The following PTPRB variants were observed in gnomAD, a reference collection of about 807,000 sequenced individuals.
PTPRB encodes the protein receptor-type tyrosine-protein phosphatase beta.
PTPRB carries 97 observed loss-of-function variants against 238.1 expected under a neutral mutation model. The observed-to-expected ratio is 0.41, with a 90% confidence interval of 0.35 to 0.48. The LOEUF is 0.48. PTPRB is among the 20% of genes least tolerant of loss of function. The pLI, the probability that PTPRB is intolerant of heterozygous loss-of-function variation, is 0.30. For missense variants in PTPRB, 2,292 were observed against 2,681.9 expected, an observed-to-expected ratio of 0.85 and a Z score of 3.21; for synonymous variants, 970 against 995.4, an observed-to-expected ratio of 0.97 and a Z score of 0.48.
At chr12:70,619,570 G>A (rs1342452151) in intron 3 of PTPRB, among the ~76,000 whole-genome samples, 1 of 152,086 alleles carries the variant, frequency 6.6e-6, no homozygotes, top group Admixed American at 6.5e-5. Flanking sequence ...TTTGACTTCT[G>A]GTGAGGCTGC....
chr12:70,538,991 G>T lies in PTPRB; in HGVS notation c.5802C>A (p.Asn1934Lys), dbSNP rs758656184. ...GCAAGAGTGCAATGTCACATGACTG[G>T]TTTCGGCCCACGTCTTTTAACTCCT... ...EYEELKDVGR[N>K]QSCDIALLPE... Residue 1934 changes from asparagine to lysine, a missense_variant, in exon 27 of 34, where the codon AAC becomes AAA. By Grantham distance (94) the Asn-to-Lys change is moderately conservative. Coordinates refer to ENST00000334414, the MANE Select transcript of PTPRB (RefSeq NM_001109754.4). The T allele has an allele frequency of 1.2e-6, 2 of 1,613,758 alleles. No homozygotes were observed. Among genetic ancestry groups the T allele is most frequent in the Non-Finnish European group, 1.7e-6 (2 of 1,179,790 alleles).
intron 21 of PTPRB, 79 bp from the exon 22 acceptor site, chr12:70,544,742 G>C (rs778799652): frequency 1.0e-6 from 1 of 969,846 alleles, no homozygotes; most frequent in Non-Finnish European, 1.5e-6. Context: ...AGGAGAAATA[G>C]GGCGGGTTCC....
intron 28 of PTPRB, 55 bp from the exon 29 acceptor site, chr12:70,536,214 T>C (rs1874101389): frequency 3.8e-6 from 6 of 1,561,228 alleles, no homozygotes; most frequent in South Asian, 2.3e-5. Context: ...TTCAGAACTA[T>C]AAACAAAGAG....
rs376107760 is a variant in PTPRB, at chr12:70,587,047, A to G, written c.2271T>C (p.Ser757=). Residue 757 remains serine (S), a synonymous_variant, in exon 9 of 34, where the codon AGT becomes AGC. Coordinates refer to ENST00000334414, the MANE Select transcript of PTPRB (RefSeq NM_001109754.4). ...CTGAAGAGGAATTTTTTAAGTCTCC[A>G]CTAATACTGGTGACTGTAGCCATGT... is the stretch of plus-strand genomic sequence containing the variant. ...RKYMATVTSI[S]GDLKNSSSVK... is the part of the protein sequence containing the mutation. 38 of 1,613,844 alleles carry G rather than the reference A, an allele frequency of 2.4e-5. 1 individual carries two copies. The highest frequency in any genetic ancestry group is 1.1e-4 in the East Asian group (5 of 44,878).
intron 33 of PTPRB, among the ~76,000 whole-genome samples, chr12:70,521,874 C>T (rs1034819590): frequency 5.9e-5 from 9 of 152,142 alleles, no homozygotes; most frequent in African/African-American, 1.9e-4. Context: ...TAGTTAGCTT[C>T]TTTCAGGAGT....
At chr12:70,547,785 G>A (rs1431833658) in intron 21 of PTPRB, among the ~76,000 whole-genome samples, 1 of 152,064 alleles carries the variant, frequency 6.6e-6, no homozygotes, top group Non-Finnish European at 1.5e-5. Flanking sequence ...CGGATTACAA[G>A]TGTGAGCCAT....
At position 70,553,047 on chromosome 12, in the gene PTPRB, A is replaced by T. The variant is rs777658092; in HGVS notation, c.5144-27T>A. The T allele has an allele frequency of 3.1e-6, 5 of 1,600,340 alleles. No individual in the cohort carries two copies. In the African/African-American group the frequency reaches 6.7e-5, roughly 22 times the overall value. ...TGGAGGAGAAAACCCACAGTTAAGG[A>T]CTGCCTTTCTTGTGACTTAGGTGAT... On this transcript the variant is annotated intron_variant, in intron 20 of 33. Coordinates refer to ENST00000334414, the MANE Select transcript of PTPRB (RefSeq NM_001109754.4).
intron 7 of PTPRB, 81 bp from the exon 8 acceptor site, chr12:70,590,314 A>G: frequency 7.3e-7 from 1 of 1,378,238 alleles, no homozygotes; most frequent in African/African-American, 1.5e-5. Context: ...GGGCAGCAGT[A>G]GATAGGAGAC....
At chr12:70,607,609 C>T (rs1884063240) in intron 4 of PTPRB, among the ~76,000 whole-genome samples, 1 of 149,228 alleles carries the variant, frequency 6.7e-6, no homozygotes, top group Non-Finnish European at 1.5e-5. Flanking sequence ...TGCAGTGGCA[C>T]AATCTGGCTT....
At chr12:70,550,196 G>A (rs1368046398) in intron 21 of PTPRB, among the ~76,000 whole-genome samples, 34 of 152,208 alleles carry the variant, frequency 2.2e-4, no homozygotes, top group Non-Finnish European at 2.9e-5. Context: ...GGTGGTTGAG[G>A]GTTGAGCTGG....
Position 70,622,493 on chromosome 12 carries a change from T to C in PTPRB, c.605A>G (p.Gln202Arg), listed in dbSNP as rs751694309. 2.5e-6 allele frequency: 4 copies of C among 1,613,466 alleles called. No individual in the cohort carries two copies. In the African/African-American group the frequency reaches 4.0e-5, roughly 16 times the overall value. ...GGGATGCTGCCTCTCGCTGCTGTTT[T>C]GGCTGTAGTTTTCTGCAGCATTTCT... ...FIRNAAENYS[Q>R]NSSERQHPNL... Residue 202 changes from glutamine (Q) to arginine (R), a missense_variant, in exon 3 of 34, where the codon CAA becomes CGA. Physicochemically the swap from Gln to Arg is conservative, Grantham distance 43 (BLOSUM62 1). Transcript: ENST00000334414.
Position 70,571,797 on chromosome 12 carries a change from G to C in PTPRB, c.3106+27C>G, listed in dbSNP as rs767643528. 16 of 1,595,364 alleles carry C rather than the reference G, an allele frequency of 1.0e-5. No homozygotes were observed. In the African/African-American group the frequency reaches 1.9e-4, roughly 19 times the overall value. On this transcript the variant is annotated intron_variant, in intron 12 of 33. Transcript: ENST00000334414. ...TAGAGACTTTCAAGTCCAACCAACT[G>C]TCAGATTTTGCAATCGTTCCACTTA...
intron 4 of PTPRB, among the ~76,000 whole-genome samples, chr12:70,601,298 G>T (rs188447268): frequency 6.6e-6 from 1 of 151,822 alleles, no homozygotes; most frequent in African/African-American, 2.4e-5. Context: ...ACCACGCCCC[G>T]CCTCTTCCTT....
intron 22 of PTPRB, 39 bp downstream of exon 22, chr12:70,544,518 A>G (rs1167323318): frequency 5.1e-6 from 7 of 1,367,984 alleles, no homozygotes; most frequent in African/African-American, 1.4e-5. Flanking sequence ...TGTAGGTGAC[A>G]TGGCAGTTGG....
intron 6 of PTPRB, among the ~76,000 whole-genome samples, chr12:70,593,285 G>T (rs534962879): frequency 3.3e-5 from 5 of 152,174 alleles, no homozygotes; most frequent in Admixed American, 2.0e-4. Flanking sequence ...GGCCAAGGCG[G>T]GTGAATCACC....
intron 4 of PTPRB, among the ~76,000 whole-genome samples, chr12:70,604,880 G>A (rs1244143264): frequency 6.6e-6 from 1 of 152,116 alleles, no homozygotes; most frequent in Non-Finnish European, 1.5e-5. Flanking sequence ...AACTAAACCT[G>A]CAGACACCTT....
intron 15 of PTPRB, among the ~76,000 whole-genome samples, chr12:70,566,001 G>A (rs1256590641): frequency 6.6e-6 from 1 of 152,174 alleles, no homozygotes; most frequent in Non-Finnish European, 1.5e-5. Flanking sequence ...GGGGACACGA[G>A]CCAAGGAATG....
chr12:70,579,046 T>TC (rs1881088166), intron 10 of PTPRB, among the ~76,000 whole-genome samples: 1 of 152,096 alleles, frequency 6.6e-6, no homozygotes, highest in African/African-American at 2.4e-5. Flanking sequence ...TCCCAACCAA[T>TC]AGAGGCATCC....
At chr12:70,619,040 A>G (rs1191249092) in intron 3 of PTPRB, among the ~76,000 whole-genome samples, 4 of 152,134 alleles carry the variant, frequency 2.6e-5, no homozygotes, top group African/African-American at 7.2e-5. Context: ...ACATAGGACA[A>G]TCTTGCAGTA....
Sources: gnomAD v4.1 joint callset for allele counts (sites outside exome capture counted in the v4.1 genomes callset) on GRCh38, gnomAD v4.1.1 for gene constraint, MANE v1.5 for transcripts, NCBI Gene and HGNC (gene_info 2026-07-23, HGNC 2026-07-21) for gene names.